Variants in PHACTR2 observed in about 807,000 individuals in gnomAD.
PHACTR2 encodes the protein phosphatase and actin regulator 2, also known as chromosome 6 open reading frame 56.
PHACTR2 carries 30 observed loss-of-function variants against 76.0 expected under a neutral mutation model. The observed-to-expected ratio is 0.39, with a 90% CI of 0.30 to 0.54. The LOEUF (loss-of-function observed/expected upper bound fraction) is 0.54. Among genes scored for constraint, PHACTR2 ranks in the 20% least tolerant of loss-of-function variants. PHACTR2 has a pLI of 0.61. For missense variants in PHACTR2, 696 were observed against 781.1 expected, an observed-to-expected ratio of 0.89 and a Z score of 1.30; for synonymous variants, 292 against 292.5, an observed-to-expected ratio of 1.00 and a Z score of 0.02.
intron 1 of PHACTR2, among the ~76,000 whole-genome samples, chr6:143,645,781 T>C (rs1370049165): frequency 2.0e-5 from 3 of 152,226 alleles, no homozygotes; most frequent in Non-Finnish European, 4.4e-5. Flanking sequence ...TGAAAGAGAC[T>C]GTATGTCCCT....
Position 143,765,226 on chromosome 6 carries a change from C to A in PHACTR2, c.695-35C>A. ...ACTTTATTTTAAAAAGCATTGTATT[C>A]TTTGATTTTTTAATGCAAGGTCTCT... On this transcript the variant is annotated intron_variant, in intron 5 of 12. Transcript: ENST00000440869. This position sits in a 1 kb window ranked among gnomAD's most constrained non-coding sequence, Gnocchi z 4.1. 2 of 1,522,466 alleles carry A rather than the reference C, an allele frequency of 1.3e-6. No individual in the cohort carries two copies. The highest frequency in any genetic ancestry group is 2.8e-5 in the African/African-American group (2 of 71,864). 94.3% of individuals were successfully genotyped at this position (1,522,466 alleles called of 1,614,324 possible). A position where few individuals can be genotyped will look rare whatever the true frequency, so the allele number is the denominator to read the frequency against.
In PHACTR2 at chr6:143,639,582, G is replaced by A. The variant is rs991986821; in HGVS notation, c.13+31260G>A. Among the ~76,000 whole-genome samples the A allele has an allele frequency of 2.6e-5, 4 of 152,142 alleles. No homozygotes were observed. In the East Asian group the frequency reaches 5.8e-4, roughly 22 times the overall value. On this transcript the variant is annotated intron_variant, in intron 1 of 11. Coordinates refer to the PHACTR2 transcript ENST00000305766. This position sits in a 1 kb window ranked among gnomAD's most constrained non-coding sequence, Gnocchi z 5.0. ...GGGAAAAGTCTTTAGGTTTGGGAGT[G>A]AGAAAGCCTGATTATAGCGGGAGGG...
intron 1 of PHACTR2, among the ~76,000 whole-genome samples, chr6:143,645,910 A>G (rs959656044): frequency 6.6e-6 from 1 of 152,184 alleles, no homozygotes; most frequent in African/African-American, 2.4e-5. Context: ...TAGAGTGTGG[A>G]AGTCATTCCA....
chr6:143,538,429 T>A lies in PHACTR2; in HGVS notation c.217+1222T>A, dbSNP rs553553033. On this transcript the variant is annotated intron_variant, in intron 1 of 11. Transcript: ENST00000367584. ...GTTTTTTAAAAGTCCACCAGATGCG[T>A]CAAGTTTCCACCAGTTGTCTGATGT... 5.9e-5 allele frequency among the ~76,000 whole-genome samples: 9 copies of A among 152,356 alleles called. No individual in the cohort carries two copies. In the East Asian group the frequency reaches 1.3e-3, roughly 23 times the overall value.
rs369890966 is a variant in PHACTR2, at chr6:143,598,583, T to C, written c.217+61376T>C. On this transcript the variant is annotated intron_variant, in intron 1 of 11. Transcript: ENST00000367584. The surrounding 1 kb of genome is among the most constrained non-coding windows in gnomAD (Gnocchi z 4.1). The stretch of plus-strand genomic sequence containing the variant: ...GGAAAGGAAAGTAAAAGCAGAAGTG[T>C]GGGCCAGGGAGGGATCGCAGTCATC... Among the ~76,000 whole-genome samples the C allele has an allele frequency of 2.6e-4, 40 of 152,284 alleles. No homozygotes were observed. The highest frequency in any genetic ancestry group is 9.1e-4 in the African/African-American group (38 of 41,576).
At chr6:143,694,040 G>T (rs1300123503) in intron 1 of PHACTR2, among the ~76,000 whole-genome samples, 1 of 151,650 alleles carries the variant, frequency 6.6e-6, no homozygotes, top group Non-Finnish European at 1.5e-5. Flanking sequence ...CTGCACTCCA[G>T]CCTGGGTGAC....
intron 11 of PHACTR2, among the ~76,000 whole-genome samples, chr6:143,792,785 G>A (rs186599288): frequency 4.6e-5 from 7 of 152,238 alleles, no homozygotes; most frequent in African/African-American, 7.2e-5. Flanking sequence ...ATGGTGGCCC[G>A]AGTCATCAGT....
chr6:143,813,683 A>T (rs1199169627), intron 12 of PHACTR2, among the ~76,000 whole-genome samples: 1 of 151,934 alleles, frequency 6.6e-6, no homozygotes, highest in East Asian at 1.9e-4. Context: ...AACTTCAAAA[A>T]TTCTTAGTGC....
intron 1 of PHACTR2, among the ~76,000 whole-genome samples, chr6:143,560,961 G>C (rs1261274879): frequency 1.3e-5 from 2 of 149,914 alleles, no homozygotes; most frequent in Non-Finnish European, 3.0e-5. Context: ...AATGTCAAGA[G>C]TTGACAGGAG....
chr6:143,825,082 C>T lies in PHACTR2; in HGVS notation c.*1393C>T. On this transcript the variant is annotated 3_prime_UTR_variant, in exon 13 of 13. Coordinates refer to ENST00000440869, the MANE Select transcript of PHACTR2 (RefSeq NM_001100164.2). This position sits in a 1 kb window ranked among gnomAD's most constrained non-coding sequence, Gnocchi z 4.1. ...ACTTCTGCTCCCAAATACATATGAC[C>T]ATATGTAAATACCACCTTGCATTTC... 1 of 152,562 alleles carries T rather than the reference C, an allele frequency of 6.6e-6. No individual in the cohort carries two copies. Among genetic ancestry groups the T allele is most frequent in the South Asian group, 2.1e-4 (1 of 4,824 alleles). The allele number at this position is 152,562 out of a possible 1,614,324, so 9.5% of individuals were successfully genotyped here.
In PHACTR2 at chr6:143,663,544, G is replaced by C. The variant is rs1457872517; in HGVS notation, c.14-48472G>C. ...CTTTCCCTGAATAGATCTTTTCTTT[G>C]TTTTTTTAAATAAATGCGATTAAAG... On this transcript the variant is annotated intron_variant, in intron 1 of 11. Coordinates refer to the PHACTR2 transcript ENST00000305766. The surrounding 1 kb of genome is among the most constrained non-coding windows in gnomAD (Gnocchi z 4.1). Among the ~76,000 whole-genome samples, 4 of 151,010 alleles carry C rather than the reference G, an allele frequency of 2.6e-5. No individual in the cohort carries two copies. The highest frequency in any genetic ancestry group is 9.7e-5 in the African/African-American group (4 of 41,066).
In PHACTR2 at chr6:143,819,665, A is replaced by AT. The variant is rs1776371184; in HGVS notation, c.1923-4008dup. Among the ~76,000 whole-genome samples, 2 of 152,150 alleles carry AT rather than the reference A, an allele frequency of 1.3e-5. No homozygotes were observed. The highest frequency in any genetic ancestry group is 2.9e-5 in the Non-Finnish European group (2 of 68,024). On this transcript the variant is annotated intron_variant, in intron 12 of 12. Coordinates refer to ENST00000440869, the MANE Select transcript of PHACTR2 (RefSeq NM_001100164.2). The surrounding 1 kb of genome is among the most constrained non-coding windows in gnomAD (Gnocchi z 5.0). Reference sequence around the variant, plus strand: ...TGTTCAAGGACAAGAGAGGAAGAGCATGTATCCCAGCTCCAGTAGATAGAT... The same window carrying AT: ...TGTTCAAGGACAAGAGAGGAAGAGCATTGTATCCCAGCTCCAGTAGATAGAT...
rs771483526 is a variant in PHACTR2 at position 143,788,757 on chromosome 6, C to T, written c.1708-16C>T. On this transcript the variant is annotated splice_polypyrimidine_tract_variant and intron_variant, in intron 10 of 12. Transcript: ENST00000440869. ...GTGGTTTACTGAACTCTGCCTTTTT[C>T]CTTGTCCTCCTGCAGCTCAGCCTGA... 3.8e-6 allele frequency: 6 copies of T among 1,598,226 alleles called. No individual in the cohort carries two copies. Among genetic ancestry groups the T allele is most frequent in the South Asian group, 3.3e-5 (3 of 90,170 alleles).
intron 12 of PHACTR2, among the ~76,000 whole-genome samples, chr6:143,813,617 CAAA>C (rs373797909): frequency 1.5e-3 from 94 of 63,100 alleles, no homozygotes; most frequent in African/African-American, 2.8e-3. Flanking sequence ...GACTCCGCCT[CAAA>C]AAAAAAAAAA....
At position 143,816,208 on chromosome 6, in the gene PHACTR2, A is replaced by G. The variant is rs975771972; in HGVS notation, c.1923-7466A>G. On this transcript the variant is annotated intron_variant, in intron 12 of 12. Transcript: ENST00000440869. The surrounding 1 kb of genome is among the most constrained non-coding windows in gnomAD (Gnocchi z 4.5). ...CTCCACCAACTTGAAGCCTAAAGCC[A>G]AAACTGTCATGCTGTCACATAGACA... 1.3e-5 allele frequency among the ~76,000 whole-genome samples: 2 copies of G among 152,230 alleles called. No individual in the cohort carries two copies. The highest frequency in any genetic ancestry group is 4.8e-5 in the African/African-American group (2 of 41,460).
At chr6:143,567,073 C>T (rs547438597) in intron 1 of PHACTR2, among the ~76,000 whole-genome samples, 2 of 152,130 alleles carry the variant, frequency 1.3e-5, no homozygotes, top group African/African-American at 2.4e-5. Flanking sequence ...ATCATCTACA[C>T]GTCGCGCTCC....
At chr6:143,747,626 C>A (rs564793609) in intron 2 of PHACTR2, among the ~76,000 whole-genome samples, 1 of 152,156 alleles carries the variant, frequency 6.6e-6, no homozygotes, top group Admixed American at 6.5e-5. Flanking sequence ...AATCGGGGAA[C>A]GTCAGAAATC....
At chr6:143,701,775 A>C (rs1400392298) in intron 1 of PHACTR2, among the ~76,000 whole-genome samples, 1 of 152,252 alleles carries the variant, frequency 6.6e-6, no homozygotes, top group Non-Finnish European at 1.5e-5. Context: ...TGAAAGAGGC[A>C]GTATTGATAA....
chr6:143,772,245 C>A lies in PHACTR2; in HGVS notation c.1233-13C>A. ...AGCTTCACATCACTCCCATGCTTTT[C>A]TGCCTTTAACAGTTTCACAACCAAA... On this transcript the variant is annotated splice_polypyrimidine_tract_variant and intron_variant, in intron 6 of 12. Coordinates refer to ENST00000440869, the MANE Select transcript of PHACTR2 (RefSeq NM_001100164.2). The surrounding 1 kb of genome is among the most constrained non-coding windows in gnomAD (Gnocchi z 5.4). 6.2e-7 allele frequency: 1 copy of A among 1,605,954 alleles called. No homozygotes were observed. The highest frequency in any genetic ancestry group is 1.1e-5 in the South Asian group (1 of 90,880).
Sources: allele counts gnomAD v4.1 joint callset (sites outside exome capture counted in the v4.1 genomes callset), GRCh38; gene constraint gnomAD v4.1.1; non-coding constraint Gnocchi (gnomAD v3.1); transcripts MANE v1.5; gene names NCBI Gene and HGNC (gene_info 2026-07-23, HGNC 2026-07-21).